The following CCDC191 variants were observed in gnomAD, a reference collection of about 807,000 sequenced individuals.
CCDC191 encodes coiled-coil domain containing 191.
A neutral mutation model predicts 114.0 loss-of-function variants in CCDC191; 99 were observed. The observed-to-expected ratio is 0.87, with a 90% CI of 0.74 to 1.03. CCDC191 has a LOEUF of 1.03. Among genes scored for constraint, CCDC191 ranks in the 50% least tolerant of loss-of-function variants. The pLI, the probability that CCDC191 is intolerant of heterozygous loss-of-function variation, is 0.00. For synonymous variants in CCDC191, 351 were observed against 376.0 expected, an observed-to-expected ratio of 0.93 and a Z score of 0.77; for missense variants, 973 against 1,087.0, an observed-to-expected ratio of 0.90 and a Z score of 1.47.
chr3:114,019,795 T>C (rs995741133), intron 7 of CCDC191, among the ~76,000 whole-genome samples: 1 of 152,170 alleles, frequency 6.6e-6, no homozygotes, highest in East Asian at 1.9e-4. Context: ...TCTGCCTAAC[T>C]ACAGTAGTCA....
intron 8 of CCDC191, 54 bp from the exon 9 acceptor site, chr3:114,011,075 T>C (rs2076061941): frequency 2.6e-6 from 4 of 1,539,876 alleles, no homozygotes; most frequent in Non-Finnish European, 2.6e-6. Context: ...AGTTTGTTAA[T>C]TGATAATATA....
chr3:114,052,289 T>C (rs1160170989), intron 2 of CCDC191, among the ~76,000 whole-genome samples: 1 of 152,196 alleles, frequency 6.6e-6, no homozygotes, highest in African/African-American at 2.4e-5. Context: ...CTGAAAACTA[T>C]ATGAAAACGG....
chr3:114,030,703 CAT>C (rs547567574), intron 7 of CCDC191, among the ~76,000 whole-genome samples: 184 of 152,262 alleles, frequency 1.2e-3, no homozygotes, highest in African/African-American at 3.2e-3. Flanking sequence ...CTTTTTCCTT[CAT>C]ATGTTTGTTA....
chr3:113,987,276 A>G (rs980694976), intron 13 of CCDC191, among the ~76,000 whole-genome samples: 2 of 152,200 alleles, frequency 1.3e-5, no homozygotes, highest in Admixed American at 1.3e-4. Flanking sequence ...AATGGTAAAG[A>G]AAGTTCTTCA....
Position 113,989,929 on chromosome 3 carries a change from G to A in CCDC191, c.2164-9136C>T, listed in dbSNP as rs988091565. Among the ~76,000 whole-genome samples the A allele has an allele frequency of 7.2e-5, 11 of 152,190 alleles. 1 individual carries two copies. Among genetic ancestry groups the A allele is most frequent in the Non-Finnish European group, 1.3e-4 (9 of 68,040 alleles). ...TTGAGCCCAGGAGTTTGAGGTTATAGTGAGCTGTGATCACACCACTGCATT... is the reference window on the plus strand; with the variant it reads ...TTGAGCCCAGGAGTTTGAGGTTATAATGAGCTGTGATCACACCACTGCATT... On this transcript the variant is annotated intron_variant, in intron 13 of 16. Coordinates refer to ENST00000295878, the MANE Select transcript of CCDC191 (RefSeq NM_020817.2).
chr3:114,024,456 T>TC (rs1357189046), intron 7 of CCDC191, among the ~76,000 whole-genome samples: 1 of 152,090 alleles, frequency 6.6e-6, no homozygotes, highest in East Asian at 1.9e-4. Context: ...AACCCAAATG[T>TC]CCAACAATGA....
At chr3:114,029,087 T>C (rs990310550) in intron 7 of CCDC191, among the ~76,000 whole-genome samples, 3 of 152,090 alleles carry the variant, frequency 2.0e-5, no homozygotes, top group Admixed American at 6.5e-5. Context: ...AAAGACCGTT[T>C]TTCCAACAAA....
chr3:114,056,483 C>G lies in CCDC191; in HGVS notation c.-17G>C. ...CAGGAGCATTTTCCAAGTTCGAGCC[C>G]GAACCTCGGCCAAAGCTGCAGCAAC... On this transcript the variant is annotated 5_prime_UTR_variant, in exon 1 of 17. Coordinates refer to ENST00000295878, the MANE Select transcript of CCDC191 (RefSeq NM_020817.2). The G allele has an allele frequency of 6.2e-7, 1 of 1,614,028 alleles. No individual in the cohort carries two copies. Among genetic ancestry groups the G allele is most frequent in the African/African-American group, 1.3e-5 (1 of 75,028 alleles).
chr3:114,025,835 T>C (rs2076312960), intron 7 of CCDC191, among the ~76,000 whole-genome samples: 1 of 152,160 alleles, frequency 6.6e-6, no homozygotes, highest in Admixed American at 6.5e-5. Context: ...GCCACACACA[T>C]AAACACAAAC....
chr3:113,973,262 C>T (rs1355954395), intron 16 of CCDC191, among the ~76,000 whole-genome samples: 1 of 152,144 alleles, frequency 6.6e-6, no homozygotes, highest in East Asian at 1.9e-4. Context: ...TATATTACCT[C>T]TTAGCAGGCT....
intron 7 of CCDC191, among the ~76,000 whole-genome samples, chr3:114,031,415 C>T (rs997915494): frequency 6.6e-6 from 1 of 152,158 alleles, no homozygotes; most frequent in Non-Finnish European, 1.5e-5. Flanking sequence ...CAGGATCCCA[C>T]CAGAGTATAC....
chr3:114,007,987 T>C (rs1469973084), intron 9 of CCDC191, among the ~76,000 whole-genome samples: 1 of 149,496 alleles, frequency 6.7e-6, no homozygotes, highest in Non-Finnish European at 1.5e-5. Context: ...TGTTCTTGAT[T>C]TCAGAGATTT....
intron 13 of CCDC191, among the ~76,000 whole-genome samples, chr3:113,982,251 G>A (rs2075181398): frequency 6.6e-6 from 1 of 152,100 alleles, no homozygotes; most frequent in Admixed American, 6.5e-5. Flanking sequence ...CACTTCCATG[G>A]AAAAATATAA....
chr3:114,015,021 C>T (rs1464813777), intron 8 of CCDC191, among the ~76,000 whole-genome samples: 6 of 151,902 alleles, frequency 3.9e-5, no homozygotes, highest in African/African-American at 7.3e-5. Context: ...ACAGTATGAA[C>T]GAATGAATGA....
rs142575692 is a variant in CCDC191 at position 114,004,664 on chromosome 3, A to G, written c.1951T>C (p.Leu651=). 8.1e-6 allele frequency: 13 copies of G among 1,612,752 alleles called. No individual in the cohort carries two copies. The highest frequency in any genetic ancestry group is 2.2e-5 in the East Asian group (1 of 44,850). The change falls in exon 11 of 17, where the codon TTG becomes CTG. Residue 651 remains leucine, a synonymous_variant. Coordinates refer to ENST00000295878, the MANE Select transcript of CCDC191 (RefSeq NM_020817.2). ...TTTAGTATGGGATGCGGTGTCATCA[A>G]TTGCTTTGGTTTCCTTCTGAGTCCA... ...LSGLRRKPKQ[L]MTPHPILKAM... is the part of the protein sequence containing the mutation.
chr3:114,056,610 A>G (rs765153829), upstream of CCDC191: 27 of 1,571,314 alleles, frequency 1.7e-5, no homozygotes, highest in Non-Finnish European at 2.2e-5. Context: ...CACTCCCACG[A>G]GGCTCTGCGC....
intron 11 of CCDC191, chr3:114,004,198 TATA>T (rs1453072758): frequency 2.0e-5 from 19 of 968,964 alleles, no homozygotes; most frequent in South Asian, 9.6e-5. Context: ...ATCAACAAGT[TATA>T]ATATTATAAA....
intron 3 of CCDC191, among the ~76,000 whole-genome samples, chr3:114,045,800 T>C (rs2076621738): frequency 6.6e-6 from 1 of 152,194 alleles, no homozygotes; most frequent in Admixed American, 6.5e-5. Context: ...ATTGTTCAAC[T>C]GACTCCTTGC....
chr3:114,006,591 T>TAG (rs1208984295), intron 9 of CCDC191, among the ~76,000 whole-genome samples: 1 of 129,704 alleles, frequency 7.7e-6, no homozygotes, highest in South Asian at 2.4e-4. Context: ...ACTCCAGATA[T>TAG]ATATATATAT....
Sources: allele counts gnomAD v4.1 joint callset (sites outside exome capture counted in the v4.1 genomes callset), GRCh38; gene constraint gnomAD v4.1.1; transcripts MANE v1.5; gene names NCBI Gene and HGNC (gene_info 2026-07-23, HGNC 2026-07-21).